SLC2A5: variants seen among roughly 807,000 people sequenced by gnomAD.
SLC2A5 encodes solute carrier family 2 member 5.
In SLC2A5, 56 loss-of-function variants were observed where a neutral mutation model predicts 50.3. That is an observed-to-expected ratio of 1.11 (90% CI 0.90 to 1.39). The LOEUF is 1.39. SLC2A5 is among the 40% of genes most tolerant of loss of function. The probability of loss-of-function intolerance (pLI) is 0.00; values close to 1 mark genes in which losing one functional copy is unlikely to be tolerated. For synonymous variants in SLC2A5, 269 were observed against 281.9 expected (o/e 0.95, Z 0.46); for missense variants, 566 against 650.1 (o/e 0.87, Z 1.41).
At chr1:9,041,632 C>G (rs985957011) in intron 5 of SLC2A5, 153 bp downstream of exon 5, 1 of 1,489,252 alleles carries the variant, frequency 6.7e-7, no homozygotes, top group Non-Finnish European at 8.9e-7. Flanking sequence ...TATGTTGGCT[C>G]GGGACAGGAT....
At chr1:9,084,688 C>T (rs1642386323) in intron 2 of SLC2A5, among the ~76,000 whole-genome samples, 1 of 152,302 alleles carries the variant, frequency 6.6e-6, no homozygotes, top group South Asian at 2.1e-4. Context: ...TTGAGAAACA[C>T]GCTTTGGAAG....
At chr1:9,091,131 A>G (rs751835185), upstream of SLC2A5, among the ~76,000 whole-genome samples, 6 of 152,168 alleles carry the variant, frequency 3.9e-5, no homozygotes, top group Non-Finnish European at 7.3e-5. Flanking sequence ...ATGGATAGCA[A>G]ATTTTGCCAT....
intron 1 of SLC2A5, among the ~76,000 whole-genome samples, chr1:9,062,991 A>G (rs1001083267): frequency 6.6e-6 from 1 of 152,192 alleles, no homozygotes; most frequent in Non-Finnish European, 1.5e-5. Flanking sequence ...GGAACGGGCC[A>G]CGGTAGGGGT....
intron 5 of SLC2A5, chr1:9,041,496 C>T (rs1641300600): frequency 1.5e-6 from 2 of 1,315,160 alleles, no homozygotes; most frequent in African/African-American, 3.0e-5. Flanking sequence ...TGCCACGGGC[C>T]TCCATATGGA....
upstream of SLC2A5, among the ~76,000 whole-genome samples, chr1:9,092,298 A>G (rs1473155316): frequency 1.3e-5 from 2 of 152,202 alleles, no homozygotes; most frequent in African/African-American, 4.8e-5. Context: ...TTCAAACCCT[A>G]CATACTGGTT....
At chr1:9,087,862 C>T (rs1471768737) in intron 1 of SLC2A5, among the ~76,000 whole-genome samples, 1 of 152,098 alleles carries the variant, frequency 6.6e-6, no homozygotes, top group African/African-American at 2.4e-5. Flanking sequence ...CTCTCTCTTC[C>T]TCGTGTGCCT....
intron 1 of SLC2A5, among the ~76,000 whole-genome samples, chr1:9,085,731 C>T (rs535524725): frequency 6.6e-6 from 1 of 152,198 alleles, no homozygotes; most frequent in Admixed American, 6.5e-5. Flanking sequence ...AGAATTTTAC[C>T]TTTGGTTACA....
chr1:9,086,738 A>G (rs1386533957), intron 1 of SLC2A5, among the ~76,000 whole-genome samples: 1 of 152,088 alleles, frequency 6.6e-6, no homozygotes, highest in East Asian at 1.9e-4. Flanking sequence ...GGACTAGGGA[A>G]TGGGTGCTAT....
chr1:9,086,103 T>C (rs907611867), intron 1 of SLC2A5, among the ~76,000 whole-genome samples: 1 of 152,182 alleles, frequency 6.6e-6, no homozygotes, highest in Non-Finnish European at 1.5e-5. Context: ...GGGAGTTCAA[T>C]CTTCATGATC....
chr1:9,037,810 G>A, intron 11 of SLC2A5, 21 bp from the exon 12 acceptor site: 1 of 1,614,032 alleles, frequency 6.2e-7, no homozygotes, highest in Non-Finnish European at 8.5e-7. Context: ...AGGGGCAGGT[G>A]ACACGTGTGG....
intron 8 of SLC2A5, 60 bp from the exon 9 acceptor site, chr1:9,038,989 C>A (rs542869287): frequency 1.3e-6 from 2 of 1,570,458 alleles, no homozygotes; most frequent in African/African-American, 2.7e-5. Context: ...CTCCAGCCCC[C>A]TCCAATGGGG....
chr1:9,063,513 C>T (rs1569895498), intron 1 of SLC2A5, among the ~76,000 whole-genome samples: 1 of 151,386 alleles, frequency 6.6e-6, no homozygotes, highest in Non-Finnish European at 1.5e-5. Flanking sequence ...GCTGGGATTA[C>T]AGGTGCATGC....
In SLC2A5 at chr1:9,040,994, T is replaced by C. The variant is rs1345277247; in HGVS notation, c.571+791A>G. On this transcript the variant is annotated intron_variant, in intron 5 of 11. Coordinates refer to ENST00000377424, the MANE Select transcript of SLC2A5 (RefSeq NM_003039.3). This position sits in a 1 kb window ranked among gnomAD's most constrained non-coding sequence, Gnocchi z 4.3. The stretch of plus-strand genomic sequence containing the variant: ...CTGTGATGCACCTGCAAAATGGGTA[T>C]GATACTGGTACAGGCTTAATAGGGC... 6.1e-6 allele frequency: 1 copy of C among 163,432 alleles called. No homozygotes were observed. The highest frequency in any genetic ancestry group is 1.3e-5 in the Non-Finnish European group (1 of 75,972). The allele number at this position is 163,432 out of a possible 1,614,324, so 10.1% of individuals were successfully genotyped here.
chr1:9,038,986 C>T, intron 8 of SLC2A5, 57 bp from the exon 9 acceptor site: 1 of 1,575,596 alleles, frequency 6.3e-7, no homozygotes, highest in Non-Finnish European at 8.6e-7. Flanking sequence ...TCCCTCCAGC[C>T]CCCTCCAATG....
At chr1:9,083,058 T>G (rs1280050621) in intron 2 of SLC2A5, among the ~76,000 whole-genome samples, 1 of 152,166 alleles carries the variant, frequency 6.6e-6, no homozygotes, top group Non-Finnish European at 1.5e-5. Flanking sequence ...TGATTTCATG[T>G]TATGTAAATT....
intron 3 of SLC2A5, among the ~76,000 whole-genome samples, chr1:9,056,428 GC>G (rs1288713895): frequency 3.3e-5 from 5 of 151,772 alleles, no homozygotes; most frequent in African/African-American, 7.3e-5. Flanking sequence ...CAGGTGATCC[GC>G]CCGCCTCTGC....
chr1:9,038,394 G>T (rs372773774), intron 10 of SLC2A5, 37 bp downstream of exon 10: 2 of 1,480,002 alleles, frequency 1.4e-6, no homozygotes, highest in Non-Finnish European at 1.9e-6. Context: ...GGACCAGGGG[G>T]GGTTGTGACA....
chr1:9,088,104 G>T (rs1013764422), intron 1 of SLC2A5, among the ~76,000 whole-genome samples: 3 of 151,996 alleles, frequency 2.0e-5, no homozygotes, highest in Non-Finnish European at 4.4e-5. Context: ...CTGTATTCAG[G>T]CTTTCTTCTG....
chr1:9,077,437 C>CA (rs200379022), intron 2 of SLC2A5, among the ~76,000 whole-genome samples: 2,816 of 118,396 alleles, frequency 0.024, 89 homozygotes, highest in African/African-American at 0.081. Context: ...CACAAAAAAA[C>CA]AAAAAAAAAA....
Sources: allele counts gnomAD v4.1 joint callset (sites outside exome capture counted in the v4.1 genomes callset), GRCh38; gene constraint gnomAD v4.1.1; non-coding constraint Gnocchi (gnomAD v3.1); transcripts MANE v1.5; gene names NCBI Gene and HGNC (gene_info 2026-07-23, HGNC 2026-07-21).